CFAP46: variants seen among roughly 807,000 people sequenced by gnomAD.
CFAP46 encodes the protein cilia- and flagella-associated protein 46.
CFAP46 carries 245 observed loss-of-function variants against 325.7 expected under a neutral mutation model. The ratio of observed to expected loss-of-function variants is 0.75; its 90% CI spans 0.68 to 0.84. CFAP46 has a LOEUF of 0.84. Ranked by LOEUF, CFAP46 falls within the 40% of genes least tolerant of loss-of-function variation. The pLI is 0.00. For missense variants in CFAP46, 3,346 were observed against 3,543.0 expected (o/e 0.94, Z 1.41); for synonymous variants, 1,523 against 1,495.9 (o/e 1.02, Z -0.42).
At position 132,869,210 on chromosome 10, in the gene CFAP46, T is replaced by G; in HGVS notation, c.4610+64A>C. The G allele has an allele frequency of 7.3e-7, 1 of 1,375,404 alleles. No individual in the cohort carries two copies. The highest frequency in any genetic ancestry group is 9.7e-7 in the Non-Finnish European group (1 of 1,027,116). The allele number at this position is 1,375,404 out of a possible 1,614,324, so 85.2% of individuals were successfully genotyped here. A position where few individuals can be genotyped will look rare whatever the true frequency, so the allele number is the denominator to read the frequency against. On this transcript the variant is annotated intron_variant, in intron 33 of 57. Coordinates refer to ENST00000368586, the MANE Select transcript of CFAP46 (RefSeq NM_001200049.3). The surrounding 1 kb of genome is among the most constrained non-coding windows in gnomAD (Gnocchi z 6.2). ...GAAGAGGGTGGCCGCGCAGCTGGCT[T>G]TCACCTGGCCGCACCAAGGGCGAGA...
intron 44 of CFAP46, 28 bp from the exon 45 acceptor site, chr10:132,836,942 G>A (rs757795923): frequency 6.5e-7 from 1 of 1,532,636 alleles, no homozygotes; most frequent in South Asian, 1.1e-5. Context: ...GCCATCAGGG[G>A]ATGCATTTAG....
chr10:132,846,780 T>C, intron 43 of CFAP46, 152 bp downstream of exon 43: 1 of 935,584 alleles, frequency 1.1e-6, no homozygotes, highest in Non-Finnish European at 1.6e-6. Context: ...GCCACAAGTT[T>C]ACGTGGCCGG....
rs1436630691 is a variant in CFAP46, at chr10:132,832,701, G to A, written c.7117+657C>T. On this transcript the variant is annotated intron_variant, in intron 50 of 57. Coordinates refer to ENST00000368586, the MANE Select transcript of CFAP46 (RefSeq NM_001200049.3). This position sits in a 1 kb window ranked among gnomAD's most constrained non-coding sequence, Gnocchi z 4.1. ...TAGCGCTCGGGGAAGCTTCACAACC[G>A]GGGCACGTCTGCACAGCCAGCACTC... The A allele has an allele frequency of 1.7e-5, 8 of 459,524 alleles. No homozygotes were observed. Among genetic ancestry groups the A allele is most frequent in the East Asian group, 7.2e-5 (1 of 13,976 alleles). 28.5% of individuals were successfully genotyped at this position (459,524 alleles called of 1,614,324 possible). A position where few individuals can be genotyped will look rare whatever the true frequency, so the allele number is the denominator to read the frequency against.
rs1039186777 is a variant in CFAP46, at chr10:132,924,872, G to A, written c.1080C>T (p.Ile360=). 1.4e-6 allele frequency: 2 copies of A among 1,394,194 alleles called. No homozygotes were observed. Among genetic ancestry groups the A allele is most frequent in the Admixed American group, 3.3e-5 (1 of 30,524 alleles). The allele number at this position is 1,394,194 out of a possible 1,614,324, so 86.4% of individuals were successfully genotyped here. A position where few individuals can be genotyped will look rare whatever the true frequency, so the allele number is the denominator to read the frequency against. The change falls in exon 11 of 58, where the codon ATC becomes ATT. Residue 360 remains isoleucine (I), a synonymous_variant. Coordinates refer to ENST00000368586, the MANE Select transcript of CFAP46 (RefSeq NM_001200049.3). The part of the protein sequence containing the change: ...NRAAVEAQLD[I]IQRLDVALQR... ...GCAGCGCGACGTCTAGCCTCTGTAT[G>A]ATATCCAGCTGGGCCTGCGGAGAAG...
chr10:132,852,109 T>C (rs1848562055), intron 39 of CFAP46, among the ~76,000 whole-genome samples: 2 of 143,440 alleles, frequency 1.4e-5, no homozygotes, highest in Non-Finnish European at 3.1e-5. Flanking sequence ...CGTGGTATGT[T>C]CCTCCATTTA....
rs1564798555 is a variant in CFAP46 at position 132,912,748 on chromosome 10, C to G, written c.2406G>C (p.Gln802His). The G allele has an allele frequency of 6.4e-7, 1 of 1,550,388 alleles. No homozygotes were observed. The highest frequency in any genetic ancestry group is 1.2e-5 in the South Asian group (1 of 84,064). The change falls in exon 19 of 58, where the codon CAG (glutamine) becomes CAC (histidine). Residue 802 changes from glutamine to histidine, a missense_variant. Coordinates refer to ENST00000368586, the MANE Select transcript of CFAP46 (RefSeq NM_001200049.3). ...TGAATTTCCTGGACTTCTCGGCAGC[C>G]TGGACTGGAATCCAGCTGATGATCA... ...RGLIISWIPV[Q>H]AAEKSRKFMR...
At chr10:132,903,840 A>G (rs1347004517) in intron 22 of CFAP46, among the ~76,000 whole-genome samples, 1 of 152,246 alleles carries the variant, frequency 6.6e-6, no homozygotes, top group East Asian at 1.9e-4. Context: ...CTGAGTTGGA[A>G]GGTCCAAATG....
chr10:132,901,264 T>C (rs1170159936), intron 22 of CFAP46, among the ~76,000 whole-genome samples: 1 of 152,266 alleles, frequency 6.6e-6, no homozygotes, highest in Non-Finnish European at 1.5e-5. Flanking sequence ...GCAGTGTTGG[T>C]TCGTTTACGT....
At chr10:132,843,866 G>A (rs1412351869) in intron 44 of CFAP46, among the ~76,000 whole-genome samples, 1 of 118,610 alleles carries the variant, frequency 8.4e-6, no homozygotes, top group Non-Finnish European at 1.8e-5. Flanking sequence ...GGTGCTGTGG[G>A]GCTCTGGTCT....
chr10:132,891,399 C>T (rs1849251884), intron 25 of CFAP46, among the ~76,000 whole-genome samples: 1 of 152,202 alleles, frequency 6.6e-6, no homozygotes, highest in Non-Finnish European at 1.5e-5. Context: ...GGACCAGCAT[C>T]CACATGAAAA....
rs771173187 is a variant in CFAP46 at position 132,846,072 on chromosome 10, C to T, written c.6423G>A (p.Leu2141=). 4.4e-6 allele frequency: 7 copies of T among 1,585,940 alleles called. No homozygotes were observed. In the African/African-American group the frequency reaches 9.4e-5, roughly 21 times the overall value. The change falls in exon 44 of 58, where the codon CTG becomes CTA. Residue 2141 remains leucine (L), a synonymous_variant. Transcript: ENST00000368586. ...GCCCGCTTACCTTGGACACGGCGGC[C>T]AGCCTCTGCTCCACACGGGCGCCCA... ...TSLGARVEQR[L]AAVSKAWQNL...
intron 50 of CFAP46, among the ~76,000 whole-genome samples, chr10:132,824,972 ATGTGTGCTGATGTGTGCTG>A (rs1564768330): frequency 1.0e-5 from 1 of 99,018 alleles, no homozygotes; most frequent in African/African-American, 3.8e-5. Context: ...GTGAGTGCTG[ATGTGTGCTGATGTGTGCTG>A]TGTGTGCTGA....
chr10:132,929,657 G>A (rs375405093), intron 9 of CFAP46, 48 bp downstream of exon 9: 9 of 1,538,996 alleles, frequency 5.8e-6, no homozygotes, highest in South Asian at 5.6e-5. Context: ...CCAACTGCAC[G>A]GTGAGCAGCG....
At chr10:132,938,887 C>T in intron 4 of CFAP46, 134 bp from the exon 5 acceptor site, 1 of 734,164 alleles carries the variant, frequency 1.4e-6, no homozygotes, top group Middle Eastern at 4.0e-4. Context: ...ATGGCAGCAG[C>T]CCCACCTGAG....
At chr10:132,916,296 G>A (rs114309176) in intron 17 of CFAP46, among the ~76,000 whole-genome samples, 97 of 152,304 alleles carry the variant, frequency 6.4e-4, no homozygotes, top group East Asian at 1.5e-3. Flanking sequence ...ACTCCTGAAC[G>A]TTTCCTCGTA....
chr10:132,916,258 A>G (rs7096936), intron 17 of CFAP46, among the ~76,000 whole-genome samples: 60,658 of 151,914 alleles, frequency 0.4, 12,549 homozygotes, highest in East Asian at 0.63. Flanking sequence ...GGTGAGCAAG[A>G]GGGACACTAC....
At chr10:132,927,319 G>A (rs1347455345) in intron 9 of CFAP46, among the ~76,000 whole-genome samples, 1 of 149,864 alleles carries the variant, frequency 6.7e-6, no homozygotes, top group Admixed American at 6.6e-5. Flanking sequence ...GCAGGTCCTC[G>A]GCGGCAGACG....
intron 32 of CFAP46, among the ~76,000 whole-genome samples, chr10:132,871,033 A>T (rs1245526595): frequency 6.6e-6 from 1 of 152,194 alleles, no homozygotes; most frequent in Non-Finnish European, 1.5e-5. Flanking sequence ...ATCCTCATTC[A>T]CCATTCTGAA....
At chr10:132,823,721 T>C (rs562864241) in intron 50 of CFAP46, among the ~76,000 whole-genome samples, 6 of 137,916 alleles carry the variant, frequency 4.4e-5, no homozygotes, top group African/African-American at 1.6e-4. Context: ...TGACGTGTGC[T>C]GTGTGCTGAT....
Sources: allele counts gnomAD v4.1 joint callset (sites outside exome capture counted in the v4.1 genomes callset), GRCh38; gene constraint gnomAD v4.1.1; non-coding constraint Gnocchi (gnomAD v3.1); transcripts MANE v1.5; gene names NCBI Gene and HGNC (gene_info 2026-07-23, HGNC 2026-07-21).